The following SYT2 variants were observed in gnomAD, a reference collection of about 807,000 sequenced individuals.
SYT2 encodes synaptotagmin-2.
Under a neutral mutation model 39.9 loss-of-function variants are expected in SYT2, and 15 were observed. The ratio of observed to expected loss-of-function variants is 0.38; its 90% CI spans 0.25 to 0.58. The LOEUF (loss-of-function observed/expected upper bound fraction) is 0.58, where lower values mean the gene tolerates loss of function less well. Among genes scored for constraint, SYT2 ranks in the 20% least tolerant of loss-of-function variants. The pLI, the probability that SYT2 is intolerant of heterozygous loss-of-function variation, is 0.70. For synonymous variants in SYT2, 181 were observed against 204.5 expected (o/e 0.89, Z 0.98); for missense variants, 389 against 530.3 (o/e 0.73, Z 2.62).
chr1:202,651,041 C>T (rs1047530366), intron 1 of SYT2, among the ~76,000 whole-genome samples: 9 of 152,064 alleles, frequency 5.9e-5, no homozygotes, highest in South Asian at 2.1e-4. Context: ...CCTTGCAAGC[C>T]AGGCTAAGGG....
At chr1:202,606,149 C>T (rs917551329) in intron 1 of SYT2, among the ~76,000 whole-genome samples, 1 of 152,148 alleles carries the variant, frequency 6.6e-6, no homozygotes, top group Non-Finnish European at 1.5e-5. Context: ...GTGCAAAACA[C>T]TTTCCATGCA....
At chr1:202,656,610 G>T (rs1023908989) in intron 1 of SYT2, among the ~76,000 whole-genome samples, 2 of 152,172 alleles carry the variant, frequency 1.3e-5, no homozygotes, top group African/African-American at 4.8e-5. Flanking sequence ...TGGCAAGGAT[G>T]GTGCGAAGCT....
rs1420392438 is a variant in SYT2 at position 202,658,688 on chromosome 1, T to C, written c.-18+51570A>G. Among the ~76,000 whole-genome samples, 9 of 145,518 alleles carry C rather than the reference T, an allele frequency of 6.2e-5. No individual in the cohort carries two copies. The South Asian group carries it at 1.3e-3, about 21-fold the overall frequency. On this transcript the variant is annotated intron_variant, in intron 1 of 8. Transcript: ENST00000367268. ...TTTTTTTTATTAGTTTTTTTTTTTT[T>C]CCTAAAAGTCCTCATTTCCCAGGGA...
Position 202,678,288 on chromosome 1 carries a change from A to AAC in SYT2, c.-18+31969_-18+31970insGT, listed in dbSNP as rs1370517927. On this transcript the variant is annotated intron_variant, in intron 1 of 8. Transcript: ENST00000367268. ...GACTCTGTCTCAAAAAAAAAAAAAAAAAAAAAAAAAAAACTAATAAAATAA... is the reference window on the plus strand; with the variant it reads ...GACTCTGTCTCAAAAAAAAAAAAAAAACAAAAAAAAAAAAACTAATAAAATAA... Among the ~76,000 whole-genome samples, 46 of 149,060 alleles carry AAC rather than the reference A, an allele frequency of 3.1e-4. No individual in the cohort carries two copies. In the East Asian group the frequency reaches 7.0e-3, roughly 23 times the overall value.
intron 1 of SYT2, among the ~76,000 whole-genome samples, chr1:202,620,559 G>A (rs1161348668): frequency 6.6e-6 from 1 of 151,876 alleles, no homozygotes; most frequent in African/African-American, 2.4e-5. Context: ...AGAGCCTAGG[G>A]ATACGCCGGG....
rs868654375 is a variant in SYT2, at chr1:202,601,715, G to A, written c.801+175C>T. 7.9e-5 allele frequency among the ~76,000 whole-genome samples: 12 copies of A among 152,146 alleles called. No homozygotes were observed. Among genetic ancestry groups the A allele is most frequent in the Non-Finnish European group, 1.3e-4 (9 of 68,022 alleles). On this transcript the variant is annotated intron_variant, in intron 6 of 8. Coordinates refer to ENST00000367268, the MANE Select transcript of SYT2 (RefSeq NM_177402.5). The surrounding 1 kb of genome is among the most constrained non-coding windows in gnomAD (Gnocchi z 4.0). Reference sequence around the variant, plus strand: ...AAAAAAAGACTAAAGGAGGGAACCCGAGTCCAGAGAGTGTAAGCAACTTGC... The same window carrying A: ...AAAAAAAGACTAAAGGAGGGAACCCAAGTCCAGAGAGTGTAAGCAACTTGC...
chr1:202,695,922 C>A (rs548819973), intron 1 of SYT2, among the ~76,000 whole-genome samples: 1 of 152,370 alleles, frequency 6.6e-6, no homozygotes, highest in African/African-American at 2.4e-5. Context: ...ATTTGTGATA[C>A]CACGGTCCCG....
At chr1:202,637,343 C>A (rs766701821) in intron 1 of SYT2, among the ~76,000 whole-genome samples, 22 of 152,130 alleles carry the variant, frequency 1.4e-4, no homozygotes, top group Non-Finnish European at 2.4e-4. Context: ...CAGAGTGAGA[C>A]CCTGTCTCAA....
At chr1:202,657,271 G>C (rs944649585) in intron 1 of SYT2, among the ~76,000 whole-genome samples, 2 of 152,140 alleles carry the variant, frequency 1.3e-5, no homozygotes, top group Non-Finnish European at 2.9e-5. Flanking sequence ...CGTTCACCAC[G>C]GTCTTTAGAG....
chr1:202,632,319 G>T, intron 1 of SYT2: 1 of 172,124 alleles, frequency 5.8e-6, no homozygotes, highest in African/African-American at 2.4e-5. Flanking sequence ...AAAGGTAAAT[G>T]TTGAAGACGT....
At chr1:202,657,538 G>A (rs540615716) in intron 1 of SYT2, among the ~76,000 whole-genome samples, 2 of 152,210 alleles carry the variant, frequency 1.3e-5, no homozygotes, top group South Asian at 2.1e-4. Context: ...CTCTGTGAGC[G>A]GGAAAATGTT....
intron 1 of SYT2, among the ~76,000 whole-genome samples, chr1:202,651,355 C>T (rs1692191289): frequency 6.9e-6 from 1 of 145,430 alleles, no homozygotes. Flanking sequence ...AGAGGACGCA[C>T]AGGGGTGGGT....
intron 1 of SYT2, among the ~76,000 whole-genome samples, chr1:202,629,869 G>GGT: frequency 8.2e-6 from 1 of 121,518 alleles, no homozygotes; most frequent in Admixed American, 7.8e-5. Context: ...GCAGCTGGTG[G>GGT]GGGGGGGGGG....
intron 1 of SYT2, among the ~76,000 whole-genome samples, chr1:202,624,562 T>A (rs200353172): frequency 1.2e-5 from 1 of 85,818 alleles, no homozygotes; most frequent in Non-Finnish European, 2.3e-5. Flanking sequence ...TGTGTGGTGT[T>A]TAGTAGTGTG....
Position 202,601,783 on chromosome 1 carries a change from A to G in SYT2, c.801+107T>C. ...GGCAGTGTGGAGCTGGGATCCTAAC[A>G]CAGGTCGTCTGCCTCCAAAGCCCAC... On this transcript the variant is annotated intron_variant, in intron 6 of 8. Transcript: ENST00000367268. The surrounding 1 kb of genome is among the most constrained non-coding windows in gnomAD (Gnocchi z 4.0). 8.2e-7 allele frequency: 1 copy of G among 1,221,124 alleles called. No individual in the cohort carries two copies. Among genetic ancestry groups the G allele is most frequent in the Non-Finnish European group, 1.2e-6 (1 of 858,230 alleles). The allele number at this position is 1,221,124 out of a possible 1,614,324, so 75.6% of individuals were successfully genotyped here.
intron 1 of SYT2, among the ~76,000 whole-genome samples, chr1:202,694,382 C>T (rs986689839): frequency 3.9e-5 from 6 of 152,176 alleles, no homozygotes; most frequent in Admixed American, 3.3e-4. Context: ...ATGACTGTGG[C>T]TTGCTGGCAG....
At position 202,605,646 on chromosome 1, in the gene SYT2, T is replaced by A; in HGVS notation, c.127A>T (p.Met43Leu). 1.2e-6 allele frequency: 2 copies of A among 1,613,972 alleles called. No homozygotes were observed. Among genetic ancestry groups the A allele is most frequent in the Non-Finnish European group, 1.7e-6 (2 of 1,179,854 alleles). The stretch of plus-strand genomic sequence containing the variant: ...AACTTCTCCTTCAGTTTGGCAAACA[T>A]GTCCTCCTGGCTCTCCCCAGCACCC... ...SGGAGESQEDMFAKLKEKLFN... is the reference protein window; with the variant it reads ...SGGAGESQEDLFAKLKEKLFN... The change falls in exon 2 of 9, where the codon ATG becomes TTG. Residue 43 changes from methionine (M) to leucine (L), a missense_variant. Physicochemically the swap from Met to Leu is conservative, Grantham distance 15 (BLOSUM62 2). Transcript: ENST00000367268.
rs1344867132 is a variant in SYT2 at position 202,614,226 on chromosome 1, A to C, written c.-17-8437T>G. ...GGTTCAGGGAATCTGCAGGCCAGGA[A>C]TGAAGGGGGAGAACTGCATCTCAGG... is the stretch of plus-strand genomic sequence containing the variant. On this transcript the variant is annotated intron_variant, in intron 1 of 8. Transcript: ENST00000367268. This position sits in a 1 kb window ranked among gnomAD's most constrained non-coding sequence, Gnocchi z 4.0. 6.6e-6 allele frequency among the ~76,000 whole-genome samples: 1 copy of C among 152,236 alleles called. No homozygotes were observed. The highest frequency in any genetic ancestry group is 1.5e-5 in the Non-Finnish European group (1 of 68,042).
At chr1:202,687,289 C>T (rs947874395) in intron 1 of SYT2, among the ~76,000 whole-genome samples, 9 of 152,158 alleles carry the variant, frequency 5.9e-5, no homozygotes, top group Admixed American at 3.3e-4. Context: ...TCCAAAAGCC[C>T]GTCTTGGGTA....
Sources: gnomAD v4.1 joint callset for allele counts (sites outside exome capture counted in the v4.1 genomes callset) on GRCh38, gnomAD v4.1.1 for gene constraint, Gnocchi (gnomAD v3.1) non-coding constraint, MANE v1.5 for transcripts, NCBI Gene and HGNC (gene_info 2026-07-23, HGNC 2026-07-21) for gene names.